DGCR2: variants seen among roughly 807,000 people sequenced by gnomAD.
DGCR2 encodes the protein DiGeorge syndrome critical region gene 2, also known as integral membrane protein DGCR2/IDD.
A neutral mutation model predicts 51.6 loss-of-function variants in DGCR2; 24 were observed. The observed-to-expected ratio is 0.47, with a 90% CI of 0.34 to 0.65. The LOEUF (loss-of-function observed/expected upper bound fraction) is 0.65, where lower values mean the gene tolerates loss of function less well. DGCR2 is among the 30% of genes least tolerant of loss of function. The pLI, the probability that DGCR2 is intolerant of heterozygous loss-of-function variation, is 0.01. For synonymous variants in DGCR2, 340 were observed against 315.4 expected (o/e 1.08, Z -0.82); for missense variants, 765 against 772.1 (o/e 0.99, Z 0.11).
At chr22:19,063,050 T>C (rs1382700873) in intron 5 of DGCR2, 152 bp downstream of exon 5, 6 of 678,306 alleles carry the variant, frequency 8.8e-6, no homozygotes, top group Non-Finnish European at 1.5e-5. Context: ...ACTGGCCCCA[T>C]GACCGCAGCC....
intron 1 of DGCR2, among the ~76,000 whole-genome samples, chr22:19,094,253 C>G (rs1425154776): frequency 1.3e-5 from 2 of 152,158 alleles, no homozygotes; most frequent in Non-Finnish European, 2.9e-5. Flanking sequence ...CATGATGAAA[C>G]CCCATCTCTA....
chr22:19,081,092 G>A (rs1238907932), intron 2 of DGCR2, among the ~76,000 whole-genome samples: 3 of 152,142 alleles, frequency 2.0e-5, no homozygotes, highest in Admixed American at 2.0e-4. Context: ...GCTACACCAG[G>A]TCAGTTTAAC....
chr22:19,064,127 A>C (rs556283058), intron 4 of DGCR2, among the ~76,000 whole-genome samples: 116 of 152,316 alleles, frequency 7.6e-4, no homozygotes, highest in African/African-American at 2.5e-3. Flanking sequence ...TCCAGCCCCA[A>C]GCCTAGAGAT....
chr22:19,077,781 T>G (rs369880408), intron 2 of DGCR2, among the ~76,000 whole-genome samples: 1 of 152,280 alleles, frequency 6.6e-6, no homozygotes, highest in East Asian at 1.9e-4. Flanking sequence ...AATAGTCACA[T>G]CTTACGTTTT....
intron 2 of DGCR2, among the ~76,000 whole-genome samples, chr22:19,083,453 A>T (rs1416047336): frequency 6.6e-6 from 1 of 152,188 alleles, no homozygotes; most frequent in African/African-American, 2.4e-5. Context: ...TCAACATTTT[A>T]GAATCGACTT....
chr22:19,099,869 G>A (rs1315549694), intron 1 of DGCR2, among the ~76,000 whole-genome samples: 1 of 152,098 alleles, frequency 6.6e-6, no homozygotes, highest in African/African-American at 2.4e-5. Flanking sequence ...TACTCTGGAG[G>A]CTGAGGCAGA....
At position 19,065,223 on chromosome 22, in the gene DGCR2, T is replaced by C. The variant is rs556008057; in HGVS notation, c.329-156A>G. ...GACAAGGTCTGCTTCTGAAACCACATTGCAGAAATGCTCAAGTTTCTCTAA... is the reference window on the plus strand; with the variant it reads ...GACAAGGTCTGCTTCTGAAACCACACTGCAGAAATGCTCAAGTTTCTCTAA... On this transcript the variant is annotated intron_variant, in intron 3 of 9. Coordinates refer to ENST00000263196, the MANE Select transcript of DGCR2 (RefSeq NM_005137.3). 885 of 626,920 alleles carry C rather than the reference T, an allele frequency of 1.4e-3. 4 individuals carry two copies. The highest frequency in any genetic ancestry group is 5.0e-3 in the South Asian group (258 of 51,236). 38.8% of individuals were successfully genotyped at this position (626,920 alleles called of 1,614,324 possible).
In DGCR2 at chr22:19,113,031, G is replaced by C. The variant is rs1011496899; in HGVS notation, c.79+9097C>G. Among the ~76,000 whole-genome samples the C allele has an allele frequency of 9.2e-5, 10 of 108,796 alleles. 2 individuals are homozygous for C. The highest frequency in any genetic ancestry group is 1.9e-4 in the Non-Finnish European group (9 of 47,140). 71.4% of individuals were successfully genotyped at this position (108,796 alleles called of 152,430 possible). A position where few individuals can be genotyped will look rare whatever the true frequency, so the allele number is the denominator to read the frequency against. ...TGTAGAAAAAGAGAGAAACAAACATGCAACAGAGAAAGCAAGCAAGAACCT... is the reference window on the plus strand; with the variant it reads ...TGTAGAAAAAGAGAGAAACAAACATCCAACAGAGAAAGCAAGCAAGAACCT... On this transcript the variant is annotated intron_variant, in intron 1 of 9. Coordinates refer to ENST00000263196, the MANE Select transcript of DGCR2 (RefSeq NM_005137.3).
intron 5 of DGCR2, chr22:19,060,835 G>A (rs750089286): frequency 5.7e-5 from 29 of 513,062 alleles, no homozygotes; most frequent in Admixed American, 7.9e-5. Context: ...CCTGGAGAGC[G>A]CTCCACCAAG....
At chr22:19,040,925 A>T in intron 9 of DGCR2, 133 bp downstream of exon 9, 1 of 838,066 alleles carries the variant, frequency 1.2e-6, no homozygotes, top group Non-Finnish European at 1.8e-6. Context: ...GAGAAGCCTT[A>T]AAGGAAAAAC....
chr22:19,093,035 A>T (rs1246284603), intron 1 of DGCR2, among the ~76,000 whole-genome samples: 1 of 152,164 alleles, frequency 6.6e-6, no homozygotes, highest in East Asian at 1.9e-4. Context: ...AACAAAGAAC[A>T]ACTACTTTGA....
chr22:19,041,001 A>C, intron 9 of DGCR2, 57 bp downstream of exon 9: 1 of 1,452,302 alleles, frequency 6.9e-7, no homozygotes, highest in South Asian at 1.3e-5. Context: ...TGCTGGGCTC[A>C]GCCCCACGTG....
At chr22:19,083,709 CTCTCCCTCTCCCCACGG>C (rs1407435321) in intron 2 of DGCR2, among the ~76,000 whole-genome samples, 2,166 of 139,526 alleles carry the variant, frequency 0.016, 86 homozygotes, top group East Asian at 0.061. Flanking sequence ...CCCCCTCCCC[CTCTCCCTCTCCCCACGG>C]TCTCCCTCTC....
At chr22:19,077,491 C>T (rs1165987218) in intron 2 of DGCR2, among the ~76,000 whole-genome samples, 2 of 152,114 alleles carry the variant, frequency 1.3e-5, no homozygotes, top group African/African-American at 4.8e-5. Flanking sequence ...ATAATTTGAC[C>T]ACTGTATGCA....
At chr22:19,060,861 G>A (rs1002896878) in intron 5 of DGCR2, 3 of 516,140 alleles carry the variant, frequency 5.8e-6, no homozygotes, top group South Asian at 1.4e-5. Flanking sequence ...CAGGAACCCT[G>A]CGGAAACGAG....
intron 2 of DGCR2, among the ~76,000 whole-genome samples, chr22:19,072,155 G>T (rs567005088): frequency 6.6e-6 from 1 of 152,294 alleles, no homozygotes; most frequent in Non-Finnish European, 1.5e-5. Context: ...TGGGTTAGGG[G>T]ACACCAGTTC....
At chr22:19,062,774 T>TATTCTCTCTC in intron 5 of DGCR2, among the ~76,000 whole-genome samples, 1 of 113,872 alleles carries the variant, frequency 8.8e-6, no homozygotes, top group Non-Finnish European at 1.9e-5. Flanking sequence ...CACACATGCA[T>TATTCTCTCTC]GCTCACTCTC....
At chr22:19,111,855 TATTTA>T (rs779846357) in intron 1 of DGCR2, among the ~76,000 whole-genome samples, 15 of 145,578 alleles carry the variant, frequency 1.0e-4, no homozygotes, top group Non-Finnish European at 1.1e-4. Context: ...ATTTTTTATT[TATTTA>T]TTTTTTTTTG....
At chr22:19,047,222 CAT>C (rs1343481972) in intron 7 of DGCR2, 2 of 152,446 alleles carry the variant, frequency 1.3e-5, no homozygotes, top group Admixed American at 6.5e-5. Context: ...GTCAACTGCA[CAT>C]GTCTGATGGT....
Sources: allele counts gnomAD v4.1 joint callset (sites outside exome capture counted in the v4.1 genomes callset), GRCh38; gene constraint gnomAD v4.1.1; transcripts MANE v1.5; gene names NCBI Gene and HGNC (gene_info 2026-07-23, HGNC 2026-07-21).